SGIP1: variants seen among roughly 807,000 people sequenced by gnomAD.
The protein encoded by SGIP1 is SH3GL interacting endocytic adaptor 1, also known as SH3-containing GRB2-like protein 3-interacting protein 1.
A neutral mutation model predicts 107.5 loss-of-function variants in SGIP1; 38 were observed. The observed-to-expected ratio is 0.35, with a 90% CI of 0.27 to 0.46. The LOEUF (loss-of-function observed/expected upper bound fraction) is 0.46, where lower values mean the gene tolerates loss of function less well. Among genes scored for constraint, SGIP1 ranks in the 20% least tolerant of loss-of-function variants. SGIP1 has a pLI of 1.00. For missense variants in SGIP1, 929 were observed against 1,019.5 expected (o/e 0.91, Z 1.21); for synonymous variants, 365 against 366.1 (o/e 1.00, Z 0.03).
At position 66,570,606 on chromosome 1, in the gene SGIP1, A is replaced by G. The variant is rs1304622061; in HGVS notation, c.10+36238A>G. ...TTCATTGCCATCTATCCATCAAATC[A>G]TTCATTATATATGTATTTAGCAAAT... On this transcript the variant is annotated intron_variant, in intron 1 of 24. Transcript: ENST00000371037. 2.6e-5 allele frequency among the ~76,000 whole-genome samples: 4 copies of G among 151,922 alleles called. 1 individual carries two copies. The highest frequency in any genetic ancestry group is 9.7e-5 in the African/African-American group (4 of 41,414).
At chr1:66,634,608 T>C (rs115138031) in intron 3 of SGIP1, among the ~76,000 whole-genome samples, 5,905 of 152,312 alleles carry the variant, frequency 0.039, 139 homozygotes, top group Non-Finnish European at 0.056. Flanking sequence ...CGTTCTTTAT[T>C]AGCAGTTGTG....
At chr1:66,598,618 G>A (rs1055512476) in intron 1 of SGIP1, among the ~76,000 whole-genome samples, 1 of 152,282 alleles carries the variant, frequency 6.6e-6, no homozygotes, top group South Asian at 2.1e-4. Flanking sequence ...TACAATCGTG[G>A]CTGAATGTGA....
intron 3 of SGIP1, among the ~76,000 whole-genome samples, chr1:66,634,862 T>A (rs1436110885): frequency 2.6e-5 from 4 of 152,206 alleles, no homozygotes; most frequent in Admixed American, 1.3e-4. Flanking sequence ...GGTCACTGAA[T>A]TTTGGAAACC....
At chr1:66,578,838 A>G (rs1244858438) in intron 1 of SGIP1, among the ~76,000 whole-genome samples, 3 of 152,076 alleles carry the variant, frequency 2.0e-5, no homozygotes. Context: ...CACCCGACTA[A>G]TTTTGTATTT....
At chr1:66,614,905 C>T (rs527453808) in intron 1 of SGIP1, among the ~76,000 whole-genome samples, 6 of 148,192 alleles carry the variant, frequency 4.0e-5, no homozygotes, top group South Asian at 2.2e-4. Flanking sequence ...CCACAACCTC[C>T]GGCTCCCGGG....
At position 66,534,232 on chromosome 1, in the gene SGIP1, T is replaced by C; in HGVS notation, c.-127T>C. 1.0e-6 allele frequency: 1 copy of C among 986,260 alleles called. No homozygotes were observed. Among genetic ancestry groups the C allele is most frequent in the East Asian group, 2.4e-5 (1 of 41,906 alleles). 61.1% of individuals were successfully genotyped at this position (986,260 alleles called of 1,614,324 possible). ...GTCTTTTGGCTTAACACTTATCTCC[T>C]TTGGCTTTGACAGCGGACGGAATAG... On this transcript the variant is annotated 5_prime_UTR_variant, in exon 1 of 25. Coordinates refer to ENST00000371037, the MANE Select transcript of SGIP1 (RefSeq NM_032291.4).
chr1:66,622,070 T>G (rs1324050913), intron 1 of SGIP1, among the ~76,000 whole-genome samples: 1 of 152,164 alleles, frequency 6.6e-6, no homozygotes, highest in African/African-American at 2.4e-5. Context: ...AATTCAGGAT[T>G]TATCTGCATA....
chr1:66,660,807 T>C (rs1411169747), intron 8 of SGIP1, among the ~76,000 whole-genome samples: 1 of 152,220 alleles, frequency 6.6e-6, no homozygotes, highest in Non-Finnish European at 1.5e-5. Flanking sequence ...TTTTTGGTAC[T>C]AAGTTTCATT....
At chr1:66,540,155 A>G (rs1344253573) in intron 1 of SGIP1, among the ~76,000 whole-genome samples, 4 of 152,212 alleles carry the variant, frequency 2.6e-5, no homozygotes, top group Non-Finnish European at 5.9e-5. Context: ...AAAATCAATA[A>G]ACATGAAACA....
At chr1:66,623,013 C>A (rs778129868) in intron 1 of SGIP1, among the ~76,000 whole-genome samples, 2 of 152,162 alleles carry the variant, frequency 1.3e-5, no homozygotes, top group African/African-American at 2.4e-5. Context: ...TTGACTATTG[C>A]TGCTCTTTGT....
At chr1:66,596,455 G>T (rs1257591662) in intron 1 of SGIP1, among the ~76,000 whole-genome samples, 2 of 152,014 alleles carry the variant, frequency 1.3e-5, no homozygotes, top group African/African-American at 4.8e-5. Flanking sequence ...GTAAAGCAAA[G>T]ACATCACTCA....
intron 3 of SGIP1, among the ~76,000 whole-genome samples, chr1:66,633,356 C>T (rs1007233683): frequency 6.6e-6 from 1 of 152,188 alleles, no homozygotes; most frequent in Non-Finnish European, 1.5e-5. Flanking sequence ...CCAGACAGTT[C>T]ACGCAGGGGC....
At chr1:66,634,068 G>A in intron 3 of SGIP1, 1 of 1,595,804 alleles carries the variant, frequency 6.3e-7, no homozygotes, top group Non-Finnish European at 8.5e-7. Flanking sequence ...CTATAATCAA[G>A]GCTCTATTCA....
intron 1 of SGIP1, among the ~76,000 whole-genome samples, chr1:66,561,606 C>T (rs1289275121): frequency 2.0e-5 from 3 of 152,152 alleles, no homozygotes; most frequent in East Asian, 3.9e-4. Flanking sequence ...AATTGTCTCA[C>T]GAGAAGTACC....
chr1:66,579,813 G>C (rs1569906468), intron 1 of SGIP1, among the ~76,000 whole-genome samples: 1 of 152,108 alleles, frequency 6.6e-6, no homozygotes, highest in East Asian at 1.9e-4. Flanking sequence ...AAATACAACT[G>C]GTCATTCTCT....
At chr1:66,595,319 C>G (rs2064426535) in intron 1 of SGIP1, among the ~76,000 whole-genome samples, 1 of 152,098 alleles carries the variant, frequency 6.6e-6, no homozygotes, top group South Asian at 2.1e-4. Flanking sequence ...CTGAACTCAC[C>G]CTCCAAATTC....
intron 1 of SGIP1, among the ~76,000 whole-genome samples, chr1:66,560,264 G>A (rs1571329173): frequency 1.3e-5 from 2 of 152,082 alleles, no homozygotes; most frequent in Admixed American, 1.3e-4. Context: ...ACAATGTAGG[G>A]CAGAAATAAG....
chr1:66,562,630 T>C (rs2148471247), intron 1 of SGIP1, among the ~76,000 whole-genome samples: 1 of 152,200 alleles, frequency 6.6e-6, no homozygotes, highest in Non-Finnish European at 1.5e-5. Context: ...AATTTGTTTA[T>C]TTGTTTTGGT....
At chr1:66,720,420 T>G (rs1323908994) in intron 19 of SGIP1, among the ~76,000 whole-genome samples, 1 of 152,130 alleles carries the variant, frequency 6.6e-6, no homozygotes, top group African/African-American at 2.4e-5. Flanking sequence ...TTGAAAAACT[T>G]AATATTTATG....
Sources: gnomAD v4.1 joint callset for allele counts (sites outside exome capture counted in the v4.1 genomes callset) on GRCh38, gnomAD v4.1.1 for gene constraint, MANE v1.5 for transcripts, NCBI Gene and HGNC (gene_info 2026-07-23, HGNC 2026-07-21) for gene names.